The following FMN2 variants were observed in gnomAD, a reference collection of about 807,000 sequenced individuals.
The protein encoded by FMN2 is formin-2.
In FMN2, 51 loss-of-function variants were observed where a neutral mutation model predicts 142.3. That is an observed-to-expected ratio of 0.36 (90% CI 0.29 to 0.45). The LOEUF is 0.45. Ranked by LOEUF, FMN2 falls within the 20% of genes least tolerant of loss-of-function variation. The pLI, the probability that FMN2 is intolerant of heterozygous loss-of-function variation, is 1.00. For synonymous variants in FMN2, 882 were observed against 869.8 expected (o/e 1.01, Z -0.25); for missense variants, 1,936 against 2,122.8 (o/e 0.91, Z 1.73).
At chr1:240,105,439 G>A (rs1302250742) in intron 1 of FMN2, among the ~76,000 whole-genome samples, 2 of 152,078 alleles carry the variant, frequency 1.3e-5, no homozygotes, top group Admixed American at 1.3e-4. Context: ...AATTAGAATA[G>A]GTTGTTGAGT....
chr1:240,101,017 G>A (rs1661391689), intron 1 of FMN2, among the ~76,000 whole-genome samples: 1 of 152,180 alleles, frequency 6.6e-6, no homozygotes, highest in Admixed American at 6.5e-5. Flanking sequence ...TTAAATGGTT[G>A]TTTTAGGTAC....
Position 240,346,980 on chromosome 1 carries a change from A to G in FMN2, c.4766-8836A>G, listed in dbSNP as rs1399780503. Among the ~76,000 whole-genome samples, 4 of 152,322 alleles carry G rather than the reference A, an allele frequency of 2.6e-5. No homozygotes were observed. In the East Asian group the frequency reaches 7.7e-4, roughly 29 times the overall value. ...AAACTGGCATATTTTATGGTCAACAATTCAAACAGATATTATGTATAAGCA... is the reference window on the plus strand; with the variant it reads ...AAACTGGCATATTTTATGGTCAACAGTTCAAACAGATATTATGTATAAGCA... On this transcript the variant is annotated intron_variant, in intron 13 of 17. Coordinates refer to ENST00000319653, the MANE Select transcript of FMN2 (RefSeq NM_020066.5).
intron 2 of FMN2, among the ~76,000 whole-genome samples, chr1:240,124,336 C>T (rs1353414659): frequency 1.3e-5 from 2 of 152,112 alleles, no homozygotes; most frequent in Non-Finnish European, 2.9e-5. Flanking sequence ...CTATTTTGTG[C>T]GTTCCTAACT....
intron 1 of FMN2, among the ~76,000 whole-genome samples, chr1:240,113,811 A>G (rs941961074): frequency 6.6e-6 from 1 of 152,172 alleles, no homozygotes; most frequent in Non-Finnish European, 1.5e-5. Context: ...TGTCCTGGAA[A>G]TAACAAAAAC....
At chr1:240,215,901 G>A (rs1666877039) in intron 6 of FMN2, among the ~76,000 whole-genome samples, 1 of 152,002 alleles carries the variant, frequency 6.6e-6, no homozygotes. Context: ...TAGAGACGTG[G>A]TTTCGCCATG....
At chr1:240,267,138 A>G (rs1461642840) in intron 7 of FMN2, among the ~76,000 whole-genome samples, 3 of 152,078 alleles carry the variant, frequency 2.0e-5, no homozygotes, top group African/African-American at 7.2e-5. Context: ...AGCACGAGAA[A>G]CTCTCCACAG....
At position 240,453,914 on chromosome 1, in the gene FMN2, G is replaced by A. The variant is rs1361507791; in HGVS notation, c.5060+15704G>A. On this transcript the variant is annotated intron_variant, in intron 16 of 17. Transcript: ENST00000319653. ...TGAGGCAGGAGAATGGCGTGAACCC[G>A]GGAAGCGGAGCTTGCAGTGAGCCGA... Among the ~76,000 whole-genome samples, 2 of 24,208 alleles carry A rather than the reference G, an allele frequency of 8.3e-5. 1 individual carries two copies. 15.9% of individuals were successfully genotyped at this position (24,208 alleles called of 152,430 possible).
chr1:240,252,939 T>C (rs1402783804), intron 6 of FMN2, among the ~76,000 whole-genome samples: 2 of 145,924 alleles, frequency 1.4e-5, no homozygotes, highest in Non-Finnish European at 3.0e-5. Flanking sequence ...CCATGTGTGA[T>C]GTAGTCTTGT....
At chr1:240,217,872 C>A (rs1203004649) in intron 6 of FMN2, among the ~76,000 whole-genome samples, 1 of 151,766 alleles carries the variant, frequency 6.6e-6, no homozygotes, top group Non-Finnish European at 1.5e-5. Context: ...TTATCCTTCA[C>A]CTTGCTAGAT....
intron 14 of FMN2, among the ~76,000 whole-genome samples, chr1:240,361,162 TATATATATATATATATATATATAAAA>T (rs763771678): frequency 0.23 from 14,121 of 60,680 alleles, 869 homozygotes; most frequent in African/African-American, 0.33. Context: ...TATATATATA[TATATATATATATATATATATATAAAA>T]GAGTTTAAAG....
chr1:240,324,122 C>T (rs759312032), intron 8 of FMN2, among the ~76,000 whole-genome samples: 16 of 152,222 alleles, frequency 1.1e-4, no homozygotes, highest in Admixed American at 2.0e-4. Context: ...TTGTGGTCCG[C>T]GAGTGATACT....
chr1:240,150,501 A>G (rs967370161), intron 2 of FMN2, among the ~76,000 whole-genome samples: 1 of 152,226 alleles, frequency 6.6e-6, no homozygotes, highest in Non-Finnish European at 1.5e-5. Context: ...TGTTAGATCA[A>G]GGCTTTAATT....
chr1:240,118,915 G>C (rs887923684), intron 1 of FMN2, among the ~76,000 whole-genome samples: 8 of 152,184 alleles, frequency 5.3e-5, no homozygotes, highest in Non-Finnish European at 1.2e-4. Context: ...GGTCTAGCCA[G>C]TGGCAGGAAT....
chr1:240,160,392 T>C (rs1227883957), intron 2 of FMN2, among the ~76,000 whole-genome samples: 2 of 151,276 alleles, frequency 1.3e-5, no homozygotes, highest in African/African-American at 2.4e-5. Context: ...CCAGGTTAGG[T>C]TGATTCCAGG....
chr1:240,446,084 T>A (rs573546258), intron 16 of FMN2, among the ~76,000 whole-genome samples: 2 of 152,288 alleles, frequency 1.3e-5, no homozygotes, highest in South Asian at 4.1e-4. Context: ...TAAAATGCTG[T>A]AGAAAAAGAG....
intron 2 of FMN2, among the ~76,000 whole-genome samples, chr1:240,135,319 A>G (rs916206458): frequency 6.6e-6 from 1 of 152,196 alleles, no homozygotes; most frequent in Admixed American, 6.5e-5. Context: ...GGAACAGTCA[A>G]TACATATAAA....
At chr1:240,118,798 A>C (rs1662122690) in intron 1 of FMN2, among the ~76,000 whole-genome samples, 1 of 152,158 alleles carries the variant, frequency 6.6e-6, no homozygotes. Flanking sequence ...TGATAGGAGC[A>C]GAGGTGGAAC....
Position 240,207,565 on chromosome 1 carries a change from C to T in FMN2, c.2753C>T (p.Ala918Val), listed in dbSNP as rs768693892. 79 of 1,609,344 alleles carry T rather than the reference C, an allele frequency of 4.9e-5. 1 individual carries two copies. Among genetic ancestry groups the T allele is most frequent in the Middle Eastern group, 3.3e-4 (2 of 6,070 alleles). Reference sequence around the variant, plus strand: ...CCCCCTCCCCCTCCTCTTCCCGGAGCGGGCATACCTCCTCCGCCGCCTCTA... The same window carrying T: ...CCCCCTCCCCCTCCTCTTCCCGGAGTGGGCATACCTCCTCCGCCGCCTCTA... ...LPPPPPPLPG[A>V]GIPPPPPLPG... Residue 918 changes from alanine to valine, a missense_variant, in exon 5 of 18, where the codon GCG becomes GTG. Physicochemically the swap from Ala to Val is moderately conservative, Grantham distance 64 (BLOSUM62 0). This residue lies in a region of FMN2 where 478 missense variants were observed against 462.8 expected (regional missense o/e 1.03). Coordinates refer to ENST00000319653, the MANE Select transcript of FMN2 (RefSeq NM_020066.5).
Position 240,207,456 on chromosome 1 carries a change from C to T in FMN2, c.2644C>T (p.Pro882Ser). 6.2e-7 allele frequency: 1 copy of T among 1,613,642 alleles called. No individual in the cohort carries two copies. Among genetic ancestry groups the T allele is most frequent in the Non-Finnish European group, 8.5e-7 (1 of 1,179,814 alleles). Residue 882 changes from proline (P) to serine (S), a missense_variant, in exon 5 of 18, where the codon CCT (proline) becomes TCT (serine). By Grantham distance (74) the Pro-to-Ser change is moderately conservative. Around this residue, in one of 8 missense-constraint regions of FMN2, gnomAD observed 478 missense variants for 462.8 expected, o/e 1.03. Coordinates refer to ENST00000319653, the MANE Select transcript of FMN2 (RefSeq NM_020066.5). The stretch of plus-strand genomic sequence containing the variant: ...GGGCATGGTGCCTCCCCCACCTCCC[C>T]CTCTCCCTGGCATGACAGTGCCTAC... Reference protein sequence around the residue: ...GLGMVPPPPPPLPGMTVPTLP... With the variant: ...GLGMVPPPPPSLPGMTVPTLP...
Sources: gnomAD v4.1 joint callset for allele counts (sites outside exome capture counted in the v4.1 genomes callset) on GRCh38, gnomAD v4.1.1 for gene constraint, gnomAD v4.1.1 regional missense constraint, MANE v1.5 for transcripts, NCBI Gene and HGNC (gene_info 2026-07-23, HGNC 2026-07-21) for gene names.